The following DNAH1 variants were observed in gnomAD, a reference collection of about 807,000 sequenced individuals.
DNAH1 encodes axonemal beta dynein heavy chain 1.
A neutral mutation model predicts 484.3 loss-of-function variants in DNAH1; 327 were observed. The observed-to-expected ratio is 0.68, with a 90% CI of 0.62 to 0.74. The LOEUF is 0.74. DNAH1 is among the 30% of genes least tolerant of loss of function. DNAH1 has a pLI of 0.00. For synonymous variants in DNAH1, 2,192 were observed against 2,191.9 expected, an observed-to-expected ratio of 1.00 and a Z score of 0.00; for missense variants, 5,052 against 5,546.8, an observed-to-expected ratio of 0.91 and a Z score of 2.83.
intron 4 of DNAH1, 102 bp from the exon 5 acceptor site, chr3:52,326,633 C>A (rs550598868): frequency 1.6e-5 from 22 of 1,410,710 alleles, no homozygotes; most frequent in Middle Eastern, 2.2e-4. Context: ...GGTCTCTCGG[C>A]CACACCCCTG....
In DNAH1 at chr3:52,378,678, C is replaced by T. The variant is rs895715685; in HGVS notation, c.7275C>T (p.Ser2425=). ...ATIMVYATIT[S]QLLPTPAKSH... is the part of the protein sequence containing the mutation. ...TCATGGTGTATGCAACCATCACCTCCCAGCTGCTGCCCACTCCAGCCAAGT... is the reference window on the plus strand; with the variant it reads ...TCATGGTGTATGCAACCATCACCTCTCAGCTGCTGCCCACTCCAGCCAAGT... The change falls in exon 47 of 78, where the codon TCC becomes TCT. Residue 2425 remains serine, a synonymous_variant. Coordinates refer to ENST00000420323, the MANE Select transcript of DNAH1 (RefSeq NM_015512.5). 20 of 1,613,718 alleles carry T rather than the reference C, an allele frequency of 1.2e-5. No homozygotes were observed. Among genetic ancestry groups the T allele is most frequent in the Non-Finnish European group, 1.4e-5 (17 of 1,179,870 alleles).
chr3:52,372,263 C>A lies in DNAH1; in HGVS notation c.6703C>A (p.Leu2235Ile). 6.2e-7 allele frequency: 1 copy of A among 1,613,964 alleles called. No homozygotes were observed. The highest frequency in any genetic ancestry group is 8.5e-7 in the Non-Finnish European group (1 of 1,179,872). ...CIGPTGTGKT[L>I]TISDKLLKNL... ...TGGGCCAACAGGCACGGGGAAGACG[C>A]TCACCATCTCTGACAAGCTCCTCAA... The change falls in exon 43 of 78, where the codon CTC (leucine) becomes ATC (isoleucine). Residue 2235 changes from leucine to isoleucine, a missense_variant. Coordinates refer to ENST00000420323, the MANE Select transcript of DNAH1 (RefSeq NM_015512.5).
chr3:52,361,362 G>A lies in DNAH1; in HGVS notation c.4874+10G>A, dbSNP rs1335964253. ...TCAAGGGCCTGGCCAGGTGAGGCTGGGCATGAGCGTGGCACAGGATGGGGT... is the reference window on the plus strand; with the variant it reads ...TCAAGGGCCTGGCCAGGTGAGGCTGAGCATGAGCGTGGCACAGGATGGGGT... On this transcript the variant is annotated intron_variant, in intron 29 of 77. Coordinates refer to ENST00000420323, the MANE Select transcript of DNAH1 (RefSeq NM_015512.5). This position sits in a 1 kb window ranked among gnomAD's most constrained non-coding sequence, Gnocchi z 5.6. 6.4e-7 allele frequency: 1 copy of A among 1,563,666 alleles called. No homozygotes were observed. The highest frequency in any genetic ancestry group is 8.7e-7 in the Non-Finnish European group (1 of 1,152,722).
rs558536722 is a variant in DNAH1, at chr3:52,382,578, A to T, written c.7941+123A>T. On this transcript the variant is annotated intron_variant, in intron 50 of 77. Coordinates refer to ENST00000420323, the MANE Select transcript of DNAH1 (RefSeq NM_015512.5). ...TCACAGTCAGGGCAGATCTCAGAAG[A>T]GACCACCAGGACCAGGTGGGGCCAC... 1,481 of 1,470,438 alleles carry T rather than the reference A, an allele frequency of 1.0e-3. 20 individuals are homozygous for T. In the South Asian group the frequency reaches 0.018, roughly 18 times the overall value. 91.1% of individuals were successfully genotyped at this position (1,470,438 alleles called of 1,614,324 possible).
rs765084355 is a variant in DNAH1 at position 52,380,111 on chromosome 3, C to T, written c.7584C>T (p.Tyr2528=). The T allele has an allele frequency of 7.5e-6, 12 of 1,599,960 alleles. No homozygotes were observed. The highest frequency in any genetic ancestry group is 1.7e-5 in the Admixed American group (1 of 58,106). The change falls in exon 48 of 78, where the codon TAC becomes TAT. Residue 2528 remains tyrosine, a synonymous_variant. Coordinates refer to ENST00000420323, the MANE Select transcript of DNAH1 (RefSeq NM_015512.5). ...CACCAGGCTCCGATGTCAAGTCCTA[C>T]GAGCTCATCACCAGTGAGAGTAAGG... ...FMSPGSDVKS[Y]ELITSESKMM...
intron 8 of DNAH1, among the ~76,000 whole-genome samples, chr3:52,341,341 C>T (rs138057902): frequency 2.6e-4 from 40 of 152,114 alleles, no homozygotes; most frequent in Non-Finnish European, 8.8e-5. Context: ...CTTGTGCAAG[C>T]GATTTATGAA....
At position 52,321,131 on chromosome 3, in the gene DNAH1, T is replaced by G. The variant is rs1701132707; in HGVS notation, c.-34-1278T>G. On this transcript the variant is annotated intron_variant, in intron 1 of 77. Coordinates refer to ENST00000420323, the MANE Select transcript of DNAH1 (RefSeq NM_015512.5). The stretch of plus-strand genomic sequence containing the variant: ...TTCTTTTTTCTTTTTTCTTTTTTTT[T>G]TTGAGATGGAGTTTTGCTCTTGTCA... Among the ~76,000 whole-genome samples, 4 of 151,386 alleles carry G rather than the reference T, an allele frequency of 2.6e-5. No homozygotes were observed. In the South Asian group the frequency reaches 8.4e-4, roughly 32 times the overall value.
chr3:52,359,191 G>T (rs1252069010), intron 25 of DNAH1, 55 bp from the exon 26 acceptor site: 10 of 1,538,138 alleles, frequency 6.5e-6, no homozygotes, highest in Non-Finnish European at 8.8e-6. Flanking sequence ...GAAGAAGAAA[G>T]AATGGGATTG....
At position 52,322,535 on chromosome 3, in the gene DNAH1, C is replaced by T. The variant is rs1250330504; in HGVS notation, c.93C>T (p.His31=). Residue 31 remains histidine, a synonymous_variant, in exon 2 of 78, where the codon CAC becomes CAT. Coordinates refer to ENST00000420323, the MANE Select transcript of DNAH1 (RefSeq NM_015512.5). ...SSAPAVQVGT[H]RGLEYNPGKI... is the part of the protein sequence containing the mutation. The stretch of plus-strand genomic sequence containing the variant: ...CTCCTGCAGTCCAAGTGGGGACCCA[C>T]AGGGGCCTAGAGTATAACCCGGGGA... The T allele has an allele frequency of 6.2e-7, 1 of 1,613,810 alleles. No individual in the cohort carries two copies.
In DNAH1 at chr3:52,373,009, G is replaced by C; in HGVS notation, c.6941G>C (p.Arg2314Pro). 1.2e-6 allele frequency: 2 copies of C among 1,613,512 alleles called. No individual in the cohort carries two copies. The highest frequency in any genetic ancestry group is 4.5e-5 in the East Asian group (2 of 44,880). The stretch of plus-strand genomic sequence containing the variant: ...GCACAGCCACCCATCGAGCTGTTGC[G>C]CCAGTGGATGGACCACGGCGGCTGG... ...YGAQPPIELLRQWMDHGGWYD... is the reference protein window; with the variant it reads ...YGAQPPIELLPQWMDHGGWYD... Residue 2314 changes from arginine to proline, a missense_variant, in exon 44 of 78, where the codon CGC becomes CCC. Physicochemically the swap from Arg to Pro is moderately radical, Grantham distance 103. Transcript: ENST00000420323.
intron 26 of DNAH1, 132 bp from the exon 27 acceptor site, chr3:52,359,784 C>T: frequency 8.1e-7 from 1 of 1,227,134 alleles, no homozygotes. Context: ...TCCCTGCTCC[C>T]CTCCCAACTC....
chr3:52,320,693 T>C (rs1701113350), intron 1 of DNAH1, among the ~76,000 whole-genome samples: 1 of 151,936 alleles, frequency 6.6e-6, no homozygotes, highest in Admixed American at 6.6e-5. Context: ...TTTGTCTCAG[T>C]GTGCAGAAGG....
Position 52,352,089 on chromosome 3 carries a change from C to A in DNAH1, c.2857C>A (p.Leu953Met). 1 of 1,579,152 alleles carries A rather than the reference C, an allele frequency of 6.3e-7. No homozygotes were observed. The highest frequency in any genetic ancestry group is 8.6e-7 in the Non-Finnish European group (1 of 1,162,970). The change falls in exon 17 of 78, where the codon CTG (leucine) becomes ATG (methionine). Residue 953 changes from leucine to methionine, a missense_variant. Around this residue, in one of 4 missense-constraint regions of DNAH1, gnomAD observed 1,263 missense variants for 1,218.8 expected, o/e 1.04. Transcript: ENST00000420323. ...GGATCAGAACAACTTCCAAGAGAAG[C>A]TGGAAGGGCTGCAGGTGGGGCACAG... ...IMDQNNFQEK[L>M]EGLQLVVAGF...
intron 40 of DNAH1, 33 bp downstream of exon 40, chr3:52,370,668 C>G (rs1327010653): frequency 1.2e-6 from 2 of 1,600,836 alleles, no homozygotes; most frequent in Non-Finnish European, 1.7e-6. Context: ...GACCAGGAGC[C>G]TCAGTCCTAC....
chr3:52,380,256 C>T (rs920624153), intron 48 of DNAH1, 121 bp downstream of exon 48: 15 of 881,528 alleles, frequency 1.7e-5, no homozygotes, highest in Admixed American at 7.8e-5. Context: ...GGGGCCAGGA[C>T]GCGGGGTAAG....
At position 52,332,209 on chromosome 3, in the gene DNAH1, C is replaced by T. The variant is rs752219878; in HGVS notation, c.1101C>T (p.Asp367=). Residue 367 remains aspartate, a synonymous_variant, in exon 8 of 78, where the codon GAC becomes GAT. Transcript: ENST00000420323. ...PRIQLLFCAE[D]PCMFAQRVVQ... Reference sequence around the variant, plus strand: ...TCCAGCTTCTCTTCTGCGCTGAGGACCCTTGCATGTTCGCACAACGTGTGG... The same window carrying T: ...TCCAGCTTCTCTTCTGCGCTGAGGATCCTTGCATGTTCGCACAACGTGTGG... The T allele has an allele frequency of 6.2e-6, 10 of 1,611,010 alleles. No homozygotes were observed. The highest frequency in any genetic ancestry group is 5.0e-5 in the Admixed American group (3 of 59,476).
chr3:52,366,705 C>T, intron 35 of DNAH1, 28 bp from the exon 36 acceptor site: 8 of 1,593,404 alleles, frequency 5.0e-6, no homozygotes, highest in Non-Finnish European at 6.9e-6. Context: ...TCTCTGGGAG[C>T]CTCACTCTCA....
At position 52,369,842 on chromosome 3, in the gene DNAH1, C is replaced by T. The variant is rs61753444; in HGVS notation, c.5961C>T (p.Phe1987=). The T allele has an allele frequency of 4.3e-6, 7 of 1,609,298 alleles. No individual in the cohort carries two copies. Among genetic ancestry groups the T allele is most frequent in the Non-Finnish European group, 5.9e-6 (7 of 1,176,572 alleles). ...GGCACCAGGCAATGACCATGATGTTCGAGGTGCAAGACCTGGCGGTGGCTT... is the reference window on the plus strand; with the variant it reads ...GGCACCAGGCAATGACCATGATGTTTGAGGTGCAAGACCTGGCGGTGGCTT... ...IKLTEAMTMM[F]EVQDLAVASP... Residue 1987 remains phenylalanine (F), a synonymous_variant, in exon 38 of 78, where the codon TTC becomes TTT. Transcript: ENST00000420323.
At chr3:52,343,908 C>G (rs2079977490) in intron 8 of DNAH1, among the ~76,000 whole-genome samples, 2 of 151,992 alleles carry the variant, frequency 1.3e-5, no homozygotes, top group South Asian at 4.2e-4. Flanking sequence ...AGGGGTCTGC[C>G]TATGTGAGGA....
Sources: allele counts gnomAD v4.1 joint callset (sites outside exome capture counted in the v4.1 genomes callset), GRCh38; gene constraint gnomAD v4.1.1; regional missense constraint gnomAD v4.1.1; non-coding constraint Gnocchi (gnomAD v3.1); transcripts MANE v1.5; gene names NCBI Gene and HGNC (gene_info 2026-07-23, HGNC 2026-07-21).